ACSF3: variants seen among roughly 807,000 people sequenced by gnomAD.
The protein encoded by ACSF3 is malonate--CoA ligase ACSF3, mitochondrial.
ACSF3 carries 78 observed loss-of-function variants against 53.2 expected under a neutral mutation model. The ratio of observed to expected loss-of-function variants is 1.47; its 90% confidence interval spans 1.22 to 1.77. The LOEUF is 1.77. Among genes scored for constraint, ACSF3 ranks in the 40% most tolerant of loss-of-function variants. ACSF3 has a pLI of 0.00. For missense variants in ACSF3, 937 were observed against 771.1 expected (o/e 1.22, Z -2.55); for synonymous variants, 414 against 333.1 (o/e 1.24, Z -2.65).
At chr16:89,135,518 G>T (rs1008582420) in intron 8 of ACSF3, among the ~76,000 whole-genome samples, 1 of 152,278 alleles carries the variant, frequency 6.6e-6, no homozygotes, top group Non-Finnish European at 1.5e-5. Flanking sequence ...CTGGACATCA[G>T]CAGAGGACCC....
Position 89,098,617 on chromosome 16 carries a change from G to C in ACSF3, c.-167G>C, listed in dbSNP as rs1008687830. ...TGTCCCACCGGCCTTCCGGGTTCCA[G>C]CGCCAGGCCTGGTGCCTGCCCCAGG... On this transcript the variant is annotated 5_prime_UTR_variant, in exon 2 of 11. Transcript: ENST00000614302. The C allele has an allele frequency of 2.2e-6, 1 of 452,758 alleles. No homozygotes were observed. Among genetic ancestry groups the C allele is most frequent in the African/African-American group, 2.0e-5 (1 of 49,982 alleles). 28.0% of individuals were successfully genotyped at this position (452,758 alleles called of 1,614,324 possible).
chr16:89,114,196 C>A, intron 5 of ACSF3, 143 bp from the exon 6 acceptor site: 2 of 1,106,708 alleles, frequency 1.8e-6, no homozygotes, highest in Non-Finnish European at 2.7e-6. Context: ...TGGTGCTGTA[C>A]CCACGGCCTG....
At chr16:89,095,492 T>C (rs1359985808) in intron 1 of ACSF3, among the ~76,000 whole-genome samples, 1 of 151,978 alleles carries the variant, frequency 6.6e-6, no homozygotes, top group Non-Finnish European at 1.5e-5. Context: ...GGTGTGATGC[T>C]GAAACGCATC....
At position 89,100,844 on chromosome 16, in the gene ACSF3, G is replaced by A; in HGVS notation, c.163G>A (p.Asp55Asn). Reference sequence around the variant, plus strand: ...GTTCACCCGTGCCCTGGCCTTTGGGGACAGAATCGCCCTGGTTGACCAGCA... The same window carrying A: ...GTTCACCCGTGCCCTGGCCTTTGGGAACAGAATCGCCCTGGTTGACCAGCA... ...PVFTRALAFG[D>N]RIALVDQHGR... Residue 55 changes from aspartate to asparagine, a missense_variant, in exon 3 of 11, where the codon GAC becomes AAC. Asp to Asn is a conservative substitution (Grantham distance 23, BLOSUM62 1). Transcript: ENST00000614302. 6.2e-7 allele frequency: 1 copy of A among 1,613,558 alleles called. No homozygotes were observed.
chr16:89,133,189 C>T lies in ACSF3; in HGVS notation c.1293C>T (p.Ser431=), dbSNP rs1237151757. Residue 431 remains serine (S), a synonymous_variant, in exon 8 of 11, where the codon TCC becomes TCT. Transcript: ENST00000614302. ...GGGAGCTGCTGGTGAGGGGACCCTC[C>T]GTGTTTCGAGAATACTGGAATAAAC... The part of the protein sequence containing the change: ...KEGELLVRGP[S]VFREYWNKPE... The T allele has an allele frequency of 4.3e-6, 7 of 1,614,064 alleles. No homozygotes were observed. The highest frequency in any genetic ancestry group is 1.7e-4 in the Middle Eastern group (1 of 6,042).
intron 10 of ACSF3, chr16:89,150,648 G>A (rs555494235): frequency 4.9e-4 from 129 of 263,122 alleles, no homozygotes; most frequent in East Asian, 4.9e-4. Context: ...GGGCACTTGA[G>A]GGCCCGCTGA....
At chr16:89,125,652 C>G (rs866888661) in intron 7 of ACSF3, among the ~76,000 whole-genome samples, 1 of 151,724 alleles carries the variant, frequency 6.6e-6, no homozygotes, top group Admixed American at 6.6e-5. Flanking sequence ...GACTGCACCA[C>G]TGCACTCCAG....
chr16:89,138,573 G>A (rs1451283556), intron 8 of ACSF3, among the ~76,000 whole-genome samples: 2 of 152,326 alleles, frequency 1.3e-5, no homozygotes, highest in Admixed American at 6.5e-5. Context: ...GAGGGACCTC[G>A]CTGGGCCTGC....
intron 8 of ACSF3, chr16:89,136,700 T>A: frequency 7.8e-7 from 1 of 1,287,140 alleles, no homozygotes; most frequent in South Asian, 1.2e-5. Flanking sequence ...CCAGCTTTGA[T>A]GCCAGCCGCT....
chr16:89,135,982 C>T (rs1476111559), intron 8 of ACSF3, among the ~76,000 whole-genome samples: 1 of 152,236 alleles, frequency 6.6e-6, no homozygotes, highest in Admixed American at 6.5e-5. Context: ...GCCATGTTGG[C>T]CAGGCTGGTC....
chr16:89,149,221 A>C (rs958788084), intron 10 of ACSF3: 4 of 152,188 alleles, frequency 2.6e-5, no homozygotes, highest in African/African-American at 9.7e-5. Context: ...AGGAAGTTCC[A>C]AACTTTCCCT....
At chr16:89,109,882 A>G (rs1976485938) in intron 4 of ACSF3, among the ~76,000 whole-genome samples, 2 of 152,138 alleles carry the variant, frequency 1.3e-5, no homozygotes, top group Admixed American at 6.5e-5. Context: ...CACTGCACCC[A>G]GTGCTGTTTT....
chr16:89,110,524 T>C (rs1976560094), intron 4 of ACSF3, among the ~76,000 whole-genome samples: 1 of 152,268 alleles, frequency 6.6e-6, no homozygotes, highest in Non-Finnish European at 1.5e-5. Context: ...TCTTGTCTAA[T>C]CTTACACAGC....
chr16:89,114,342 G>A lies in ACSF3; in HGVS notation c.981G>A (p.Leu327=), dbSNP rs1477633208. 2.5e-6 allele frequency: 4 copies of A among 1,614,018 alleles called. No individual in the cohort carries two copies. Among genetic ancestry groups the A allele is most frequent in the Non-Finnish European group, 3.4e-6 (4 of 1,180,028 alleles). ...LRAVCEEKIR[L]MVSGSAALPL... ...TGCCTTTGGTTGTGCCGCGTAGGCT[G>A]ATGGTCTCAGGCTCAGCTGCCCTGC... is the stretch of plus-strand genomic sequence containing the variant. Residue 327 remains leucine, a synonymous_variant, in exon 6 of 11, where the codon CTG becomes CTA. Coordinates refer to ENST00000614302, the MANE Select transcript of ACSF3 (RefSeq NM_001243279.3).
intron 10 of ACSF3, chr16:89,153,846 G>A (rs755344987): frequency 3.9e-5 from 22 of 559,612 alleles, no homozygotes; most frequent in African/African-American, 2.3e-4. Context: ...AGGCCTGCAC[G>A]CACCATGGCT....
intron 7 of ACSF3, among the ~76,000 whole-genome samples, chr16:89,127,395 C>T (rs771375845): frequency 2.6e-5 from 4 of 152,030 alleles, no homozygotes; most frequent in African/African-American, 4.8e-5. Context: ...GATAAGGTCT[C>T]GTTCTGTCAC....
At chr16:89,123,060 G>C (rs948072353) in intron 7 of ACSF3, among the ~76,000 whole-genome samples, 2 of 152,194 alleles carry the variant, frequency 1.3e-5, no homozygotes, top group Non-Finnish European at 2.9e-5. Flanking sequence ...AAATCTCAGC[G>C]TACGGGGGGT....
At chr16:89,107,194 C>G (rs965804968) in intron 4 of ACSF3, among the ~76,000 whole-genome samples, 1 of 152,236 alleles carries the variant, frequency 6.6e-6, no homozygotes, top group Admixed American at 6.5e-5. Flanking sequence ...AGTGTGGCAA[C>G]ACATTGGGAT....
chr16:89,146,574 A>G (rs1038065501), intron 10 of ACSF3, among the ~76,000 whole-genome samples: 2 of 152,180 alleles, frequency 1.3e-5, no homozygotes, highest in African/African-American at 4.8e-5. Flanking sequence ...TGGGTCCTGA[A>G]GGTGCCTCAC....
Sources: gnomAD v4.1 joint callset for allele counts (sites outside exome capture counted in the v4.1 genomes callset) on GRCh38, gnomAD v4.1.1 for gene constraint, MANE v1.5 for transcripts, NCBI Gene and HGNC (gene_info 2026-07-23, HGNC 2026-07-21) for gene names.